Variants in TBC1D22A observed in about 807,000 individuals in gnomAD.
The protein encoded by TBC1D22A is putative GTPase activator.
TBC1D22A carries 38 observed loss-of-function variants against 60.2 expected under a neutral mutation model. That is an observed-to-expected ratio of 0.63 (90% CI 0.49 to 0.83). The LOEUF (loss-of-function observed/expected upper bound fraction) is 0.83, where lower values mean the gene tolerates loss of function less well. TBC1D22A is among the 40% of genes least tolerant of loss of function. TBC1D22A has a pLI of 0.00. For missense variants in TBC1D22A, 628 were observed against 701.0 expected, an observed-to-expected ratio of 0.90 and a Z score of 1.18; for synonymous variants, 302 against 281.7, an observed-to-expected ratio of 1.07 and a Z score of -0.72.
intron 12 of TBC1D22A, among the ~76,000 whole-genome samples, chr22:47,122,323 G>A (rs2066299723): frequency 6.6e-6 from 1 of 152,330 alleles, no homozygotes; most frequent in Middle Eastern, 3.4e-3. Flanking sequence ...TGTACTGCCT[G>A]TAGATGACAT....
At chr22:46,996,699 A>G (rs1602891578) in intron 9 of TBC1D22A, among the ~76,000 whole-genome samples, 1 of 152,202 alleles carries the variant, frequency 6.6e-6, no homozygotes, top group South Asian at 2.1e-4. Context: ...TGAGGCCCAA[A>G]GGGCAGCCTC....
intron 9 of TBC1D22A, among the ~76,000 whole-genome samples, chr22:46,986,832 C>G (rs2148189510): frequency 6.6e-6 from 1 of 152,318 alleles, no homozygotes; most frequent in Middle Eastern, 3.4e-3. Context: ...CTCTCGGGCT[C>G]TGTGGGTCAG....
chr22:47,076,938 T>C (rs756554914), intron 11 of TBC1D22A, among the ~76,000 whole-genome samples: 22 of 152,220 alleles, frequency 1.4e-4, no homozygotes, highest in Admixed American at 5.9e-4. Context: ...CCAGCCGTCA[T>C]GTCAGTATCC....
rs116560512 is a variant in TBC1D22A at position 47,128,985 on chromosome 22, C to G, written c.1425+17382C>G. Among the ~76,000 whole-genome samples, 418 of 152,262 alleles carry G rather than the reference C, an allele frequency of 2.7e-3. 2 individuals are homozygous for G. The highest frequency in any genetic ancestry group is 9.7e-3 in the African/African-American group (403 of 41,544). ...GTGGGCCTTGCTGTCCATGGGTAGCCGGGTGCATGTCTACGATGCCAGCTC... is the reference window on the plus strand; with the variant it reads ...GTGGGCCTTGCTGTCCATGGGTAGCGGGGTGCATGTCTACGATGCCAGCTC... On this transcript the variant is annotated intron_variant, in intron 12 of 12. Coordinates refer to ENST00000337137, the MANE Select transcript of TBC1D22A (RefSeq NM_014346.5).
intron 11 of TBC1D22A, among the ~76,000 whole-genome samples, chr22:47,079,272 A>T (rs1316080532): frequency 6.6e-6 from 1 of 151,950 alleles, no homozygotes; most frequent in East Asian, 1.9e-4. Context: ...TTTTTAGTAG[A>T]GATGGGGTTT....
chr22:47,142,539 C>T (rs1316932576), intron 12 of TBC1D22A, among the ~76,000 whole-genome samples: 8 of 122,836 alleles, frequency 6.5e-5, no homozygotes, highest in African/African-American at 2.7e-4. Flanking sequence ...TCCACCTACC[C>T]ATCCATCCAC....
chr22:46,821,482 G>A (rs1033934030), intron 4 of TBC1D22A, among the ~76,000 whole-genome samples: 1 of 152,138 alleles, frequency 6.6e-6, no homozygotes, highest in Admixed American at 6.5e-5. Flanking sequence ...TGTGTGGAAA[G>A]GATTTTATTT....
chr22:46,918,522 GAGA>G (rs536504457), intron 8 of TBC1D22A, among the ~76,000 whole-genome samples: 1,678 of 152,286 alleles, frequency 0.011, 39 homozygotes, highest in African/African-American at 0.038. Flanking sequence ...TAAGGAAATG[GAGA>G]AGAAGTGGTT....
In TBC1D22A at chr22:46,777,779, G is replaced by A. The variant is rs909520236; in HGVS notation, c.63-14741G>A. On this transcript the variant is annotated intron_variant, in intron 1 of 12. Transcript: ENST00000337137. This position sits in a 1 kb window ranked among gnomAD's most constrained non-coding sequence, Gnocchi z 4.5. ...GGTGATGGCTGGCTGCCAGGGTGGC[G>A]GAGCCGCTCCGAAAGTCATGCATCA... is the stretch of plus-strand genomic sequence containing the variant. Among the ~76,000 whole-genome samples, 3 of 152,198 alleles carry A rather than the reference G, an allele frequency of 2.0e-5. No individual in the cohort carries two copies. Among genetic ancestry groups the A allele is most frequent in the African/African-American group, 4.8e-5 (2 of 41,448 alleles).
intron 11 of TBC1D22A, among the ~76,000 whole-genome samples, chr22:47,084,404 C>T (rs766051405): frequency 3.3e-5 from 5 of 152,200 alleles, no homozygotes; most frequent in Non-Finnish European, 7.3e-5. Context: ...CAGGTTGCTG[C>T]ATTTCTGTTA....
chr22:46,923,372 C>T (rs2070865358), intron 8 of TBC1D22A, among the ~76,000 whole-genome samples: 1 of 152,250 alleles, frequency 6.6e-6, no homozygotes, highest in Non-Finnish European at 1.5e-5. Flanking sequence ...CTGGGCTCTA[C>T]TTCAGTTCCT....
intron 12 of TBC1D22A, among the ~76,000 whole-genome samples, chr22:47,126,980 G>A (rs1046576053): frequency 2.6e-5 from 4 of 152,220 alleles, no homozygotes; most frequent in African/African-American, 4.8e-5. Context: ...TTTTTCACAC[G>A]CATAGGCACG....
chr22:47,073,598 C>G (rs1220291684), intron 11 of TBC1D22A, among the ~76,000 whole-genome samples: 1 of 152,304 alleles, frequency 6.6e-6, no homozygotes, highest in African/African-American at 2.4e-5. Context: ...CACAAGGGCT[C>G]TGATTGCTGG....
At chr22:46,888,225 C>T (rs1438354871) in intron 5 of TBC1D22A, among the ~76,000 whole-genome samples, 1 of 152,232 alleles carries the variant, frequency 6.6e-6, no homozygotes, top group East Asian at 1.9e-4. Flanking sequence ...ATGGCTTAGC[C>T]GTGTAGCTTA....
At chr22:47,041,034 G>T (rs920825975) in intron 11 of TBC1D22A, among the ~76,000 whole-genome samples, 3 of 152,130 alleles carry the variant, frequency 2.0e-5, no homozygotes, top group African/African-American at 7.2e-5. Flanking sequence ...GGACTCGCTG[G>T]TAAACGGGCG....
chr22:46,944,610 G>T (rs1388923697), intron 8 of TBC1D22A, among the ~76,000 whole-genome samples: 1 of 152,188 alleles, frequency 6.6e-6, no homozygotes, highest in African/African-American at 2.4e-5. Flanking sequence ...GTGTTAGCCA[G>T]GATGGTCTTG....
In TBC1D22A at chr22:46,903,581, C is replaced by T. The variant is rs190844538; in HGVS notation, c.901-8493C>T. On this transcript the variant is annotated intron_variant, in intron 7 of 12. Transcript: ENST00000337137. ...GACCAGCAAGGTCCTGAGGGAGTTG[C>T]GAGGAATCGGGCCCTGTCCAGGGGC... is the stretch of plus-strand genomic sequence containing the variant. Among the ~76,000 whole-genome samples, 35 of 152,274 alleles carry T rather than the reference C, an allele frequency of 2.3e-4. No individual in the cohort carries two copies. In the East Asian group the frequency reaches 4.3e-3, roughly 19 times the overall value.
intron 8 of TBC1D22A, among the ~76,000 whole-genome samples, chr22:46,933,269 G>A (rs904196744): frequency 9.2e-5 from 14 of 152,208 alleles, no homozygotes; most frequent in Middle Eastern, 3.2e-3. Context: ...ACCACAGCGT[G>A]TGCTCTGAGC....
intron 8 of TBC1D22A, chr22:46,913,636 A>T (rs1172915530): frequency 1.1e-5 from 11 of 985,404 alleles, no homozygotes; most frequent in Non-Finnish European, 1.3e-5. Flanking sequence ...AGATAATGAA[A>T]ATGCTCTTAA....
Sources: allele counts gnomAD v4.1 joint callset (sites outside exome capture counted in the v4.1 genomes callset), GRCh38; gene constraint gnomAD v4.1.1; non-coding constraint Gnocchi (gnomAD v3.1); transcripts MANE v1.5; gene names NCBI Gene and HGNC (gene_info 2026-07-23, HGNC 2026-07-21).